The following TBC1D4 variants were observed in gnomAD, a reference collection of about 807,000 sequenced individuals.
The protein encoded by TBC1D4 is TBC1 domain family member 4.
A neutral mutation model predicts 142.5 loss-of-function variants in TBC1D4; 121 were observed. The observed-to-expected ratio is 0.85, with a 90% CI of 0.73 to 0.99. The LOEUF (loss-of-function observed/expected upper bound fraction) is 0.99. TBC1D4 is among the 50% of genes least tolerant of loss of function. TBC1D4 has a pLI of 0.00. For missense variants in TBC1D4, 1,475 were observed against 1,606.6 expected, an observed-to-expected ratio of 0.92 and a Z score of 1.40; for synonymous variants, 630 against 628.2, an observed-to-expected ratio of 1.00 and a Z score of -0.04.
intron 1 of TBC1D4, among the ~76,000 whole-genome samples, chr13:75,391,784 A>G (rs1450004269): frequency 1.3e-5 from 2 of 151,328 alleles, no homozygotes; most frequent in East Asian, 3.9e-4. Context: ...CTCGCCTGCC[A>G]CTCTCCCTTA....
At chr13:75,432,902 A>C (rs1886649175) in intron 1 of TBC1D4, among the ~76,000 whole-genome samples, 1 of 151,474 alleles carries the variant, frequency 6.6e-6, no homozygotes, top group African/African-American at 2.4e-5. Context: ...AGATCATGCC[A>C]CTACACTCTA....
At chr13:75,336,450 G>T (rs1880211265) in intron 8 of TBC1D4, among the ~76,000 whole-genome samples, 1 of 151,890 alleles carries the variant, frequency 6.6e-6, no homozygotes, top group Non-Finnish European at 1.5e-5. Context: ...GCTCACACCT[G>T]TAATGCCAGC....
chr13:75,413,845 C>T (rs915140932), intron 1 of TBC1D4, among the ~76,000 whole-genome samples: 1 of 152,140 alleles, frequency 6.6e-6, no homozygotes, highest in African/African-American at 2.4e-5. Flanking sequence ...CCCCTCTCTT[C>T]GGTGGTTCTC....
intron 5 of TBC1D4, among the ~76,000 whole-genome samples, chr13:75,346,887 CAT>C (rs1881193457): frequency 6.6e-6 from 1 of 152,186 alleles, no homozygotes; most frequent in African/African-American, 2.4e-5. Flanking sequence ...CATGTTGACA[CAT>C]AGTTCAAATT....
At chr13:75,477,091 AAGG>A (rs1269897060) in intron 1 of TBC1D4, among the ~76,000 whole-genome samples, 5 of 152,352 alleles carry the variant, frequency 3.3e-5, no homozygotes, top group Admixed American at 1.3e-4. Flanking sequence ...TTCAGACTGC[AAGG>A]AGGAGAGAGA....
chr13:75,442,527 A>G (rs1273684717), intron 1 of TBC1D4, among the ~76,000 whole-genome samples: 1 of 152,114 alleles, frequency 6.6e-6, no homozygotes, highest in Non-Finnish European at 1.5e-5. Flanking sequence ...GTAGGGGAAA[A>G]AAAAACATTC....
At chr13:75,442,077 A>G (rs972277479) in intron 1 of TBC1D4, among the ~76,000 whole-genome samples, 6 of 152,232 alleles carry the variant, frequency 3.9e-5, no homozygotes, top group African/African-American at 1.4e-4. Flanking sequence ...TGGGCAATTT[A>G]TAAACATCAT....
rs912519761 is a variant in TBC1D4 at position 75,293,048 on chromosome 13, G to A, written c.3317-777C>T. Reference sequence around the variant, plus strand: ...CACATGCCTGTAGTCTTAGCTACTCGGGAGGCTGAGGCAGGAGAATCGCTC... The same window carrying A: ...CACATGCCTGTAGTCTTAGCTACTCAGGAGGCTGAGGCAGGAGAATCGCTC... On this transcript the variant is annotated intron_variant, in intron 18 of 20. Coordinates refer to ENST00000377636, the MANE Select transcript of TBC1D4 (RefSeq NM_014832.5). 3.9e-5 allele frequency among the ~76,000 whole-genome samples: 6 copies of A among 152,120 alleles called. No homozygotes were observed. The South Asian group carries it at 1.2e-3, about 31-fold the overall frequency.
Position 75,365,576 on chromosome 13 carries a change from T to A in TBC1D4, c.499-2969A>T, listed in dbSNP as rs112405594. ...AAAATTTCTATCAAGTACTTGTACA[T>A]ACATACAATATTTTGGAATCATAGG... is the stretch of plus-strand genomic sequence containing the variant. On this transcript the variant is annotated intron_variant, in intron 1 of 20. Coordinates refer to ENST00000377636, the MANE Select transcript of TBC1D4 (RefSeq NM_014832.5). Among the ~76,000 whole-genome samples, 1,124 of 152,346 alleles carry A rather than the reference T, an allele frequency of 7.4e-3. 9 individuals carry two copies. The highest frequency in any genetic ancestry group is 0.025 in the African/African-American group (1,022 of 41,584).
chr13:75,298,019 T>C (rs1373728716), intron 17 of TBC1D4, among the ~76,000 whole-genome samples: 1 of 152,156 alleles, frequency 6.6e-6, no homozygotes, highest in Non-Finnish European at 1.5e-5. Flanking sequence ...TCATTTACTA[T>C]AACGCTCAGA....
intron 12 of TBC1D4, among the ~76,000 whole-genome samples, chr13:75,314,255 A>G (rs1168518610): frequency 1.3e-5 from 2 of 152,210 alleles, no homozygotes; most frequent in Non-Finnish European, 2.9e-5. Flanking sequence ...ACCAATATTT[A>G]CAGGTGATGA....
At chr13:75,340,471 G>A (rs1880589659) in intron 7 of TBC1D4, among the ~76,000 whole-genome samples, 1 of 151,962 alleles carries the variant, frequency 6.6e-6, no homozygotes, top group Non-Finnish European at 1.5e-5. Flanking sequence ...CAGTTTCGAT[G>A]AAATAAAATG....
intron 14 of TBC1D4, 122 bp downstream of exon 14, chr13:75,309,820 T>TTA (rs1168456878): frequency 2.2e-6 from 2 of 904,646 alleles, no homozygotes; most frequent in African/African-American, 3.3e-5. Flanking sequence ...TAGGTATTCT[T>TTA]CTTAAAGTGT....
At chr13:75,316,178 A>G (rs1405007266) in intron 12 of TBC1D4, among the ~76,000 whole-genome samples, 1 of 152,230 alleles carries the variant, frequency 6.6e-6, no homozygotes, top group Admixed American at 6.5e-5. Flanking sequence ...TGCTAATGAC[A>G]TATCAAGTGT....
intron 13 of TBC1D4, among the ~76,000 whole-genome samples, chr13:75,310,958 T>C (rs1002888923): frequency 6.6e-6 from 1 of 152,202 alleles, no homozygotes; most frequent in Non-Finnish European, 1.5e-5. Context: ...GCTACATCCA[T>C]GTGGCTCCAA....
chr13:75,353,765 G>A (rs369232543), intron 4 of TBC1D4, among the ~76,000 whole-genome samples: 1 of 152,046 alleles, frequency 6.6e-6, no homozygotes, highest in African/African-American at 2.4e-5. Flanking sequence ...ATTAAAAGCA[G>A]TAAAAAAAAG....
intron 1 of TBC1D4, among the ~76,000 whole-genome samples, chr13:75,461,576 T>G (rs150497316): frequency 1.2e-3 from 178 of 152,234 alleles, no homozygotes; most frequent in Non-Finnish European, 2.0e-3. Context: ...AAGCAATGTT[T>G]AACTTGATTC....
At chr13:75,355,797 T>C (rs778796328) in intron 4 of TBC1D4, among the ~76,000 whole-genome samples, 28 of 152,234 alleles carry the variant, frequency 1.8e-4, no homozygotes, top group Admixed American at 1.6e-3. Context: ...TGCAATGTTA[T>C]AGCAGTTAAG....
At chr13:75,384,860 T>G (rs1884078107) in intron 1 of TBC1D4, among the ~76,000 whole-genome samples, 1 of 132,410 alleles carries the variant, frequency 7.6e-6, no homozygotes, top group Non-Finnish European at 1.6e-5. Flanking sequence ...CTCTATGCCT[T>G]TATTAAATAT....
Sources: gnomAD v4.1 joint callset for allele counts (sites outside exome capture counted in the v4.1 genomes callset) on GRCh38, gnomAD v4.1.1 for gene constraint, MANE v1.5 for transcripts, NCBI Gene and HGNC (gene_info 2026-07-23, HGNC 2026-07-21) for gene names.